UBE2E2: variants seen among roughly 807,000 people sequenced by gnomAD.
The protein encoded by UBE2E2 is ubiquitin conjugating enzyme E2 E2.
A neutral mutation model predicts 24.7 loss-of-function variants in UBE2E2; 6 were observed. The ratio of observed to expected loss-of-function variants is 0.24; its 90% confidence interval spans 0.13 to 0.48. The LOEUF is 0.48. Among genes scored for constraint, UBE2E2 ranks in the 20% least tolerant of loss-of-function variants. The pLI is 0.99. For missense variants in UBE2E2, 169 were observed against 245.0 expected (o/e 0.69, Z 2.07); for synonymous variants, 104 against 83.6 (o/e 1.24, Z -1.33).
At chr3:23,497,278 G>A (rs1575667646) in intron 3 of UBE2E2, among the ~76,000 whole-genome samples, 2 of 152,132 alleles carry the variant, frequency 1.3e-5, no homozygotes, top group Admixed American at 6.6e-5. Flanking sequence ...TGTTATTTAA[G>A]GTTTACGGTA....
At chr3:23,261,519 C>T (rs148534658) in intron 3 of UBE2E2, among the ~76,000 whole-genome samples, 47 of 152,208 alleles carry the variant, frequency 3.1e-4, no homozygotes, top group African/African-American at 9.2e-4. Flanking sequence ...TGCAGGTATA[C>T]AGTATAGTAT....
intron 3 of UBE2E2, among the ~76,000 whole-genome samples, chr3:23,245,821 A>G (rs140602254): frequency 2.2e-4 from 33 of 152,326 alleles, no homozygotes; most frequent in African/African-American, 7.9e-4. Flanking sequence ...TAAAATGAAG[A>G]AAAACCATGC....
intron 3 of UBE2E2, among the ~76,000 whole-genome samples, chr3:23,338,951 G>T (rs899562306): frequency 6.6e-6 from 1 of 151,988 alleles, no homozygotes; most frequent in African/African-American, 2.4e-5. Context: ...TTATAAACAG[G>T]ATATTTACAG....
chr3:23,556,140 CTTTTTTTTTT>C (rs71057604), intron 5 of UBE2E2, among the ~76,000 whole-genome samples: 1 of 92,332 alleles, frequency 1.1e-5, no homozygotes, highest in Non-Finnish European at 2.0e-5. Context: ...AATATACAAA[CTTTTTTTTTT>C]TTTTTTTTTT....
intron 3 of UBE2E2, among the ~76,000 whole-genome samples, chr3:23,346,989 C>G (rs1437012197): frequency 2.0e-5 from 3 of 152,154 alleles, no homozygotes; most frequent in African/African-American, 7.2e-5. Context: ...GCCATTAGTA[C>G]TTAGGGTGAT....
chr3:23,208,213 T>G (rs564684025), intron 1 of UBE2E2, among the ~76,000 whole-genome samples: 2 of 152,292 alleles, frequency 1.3e-5, no homozygotes, highest in East Asian at 3.9e-4. Flanking sequence ...CTGAATTTTA[T>G]GTTTATGGAT....
chr3:23,268,176 A>G (rs1698110041), intron 3 of UBE2E2, among the ~76,000 whole-genome samples: 1 of 149,850 alleles, frequency 6.7e-6, no homozygotes, highest in Non-Finnish European at 1.5e-5. Flanking sequence ...CACCACTCCT[A>G]TTCAACATAG....
chr3:23,348,178 T>G (rs1403397519), intron 3 of UBE2E2, among the ~76,000 whole-genome samples: 1 of 152,030 alleles, frequency 6.6e-6, no homozygotes, highest in African/African-American at 2.4e-5. Context: ...ATGTGAAAAC[T>G]CCAATGAACC....
chr3:23,233,980 A>G (rs1697034469), intron 3 of UBE2E2, among the ~76,000 whole-genome samples: 1 of 152,220 alleles, frequency 6.6e-6, no homozygotes, highest in Non-Finnish European at 1.5e-5. Context: ...AATATTTATC[A>G]AAATTATCAA....
intron 5 of UBE2E2, among the ~76,000 whole-genome samples, chr3:23,540,408 G>T (rs1695367699): frequency 6.6e-6 from 1 of 151,398 alleles, no homozygotes; most frequent in Non-Finnish European, 1.5e-5. Flanking sequence ...TTGTTTGTTT[G>T]TTTGTTTGTT....
intron 3 of UBE2E2, chr3:23,323,388 A>G (rs1694797343): frequency 4.0e-6 from 1 of 251,702 alleles, no homozygotes; most frequent in Admixed American, 5.7e-5. Context: ...TTTTTATTCT[A>G]GACGATTTAA....
chr3:23,412,417 G>A (rs1174717211), intron 3 of UBE2E2, among the ~76,000 whole-genome samples: 2 of 149,784 alleles, frequency 1.3e-5, no homozygotes, highest in East Asian at 2.0e-4. Context: ...ACTTTCAAAG[G>A]TGCAGCGCTC....
At chr3:23,345,640 A>G (rs1695535608) in intron 3 of UBE2E2, among the ~76,000 whole-genome samples, 1 of 152,228 alleles carries the variant, frequency 6.6e-6, no homozygotes, top group Non-Finnish European at 1.5e-5. Context: ...TAAGTCACTG[A>G]TATTGAGTAA....
Position 23,566,753 on chromosome 3 carries a change from C to G in UBE2E2, c.509-22981C>G, listed in dbSNP as rs545795382. On this transcript the variant is annotated intron_variant, in intron 5 of 5. Coordinates refer to ENST00000396703, the MANE Select transcript of UBE2E2 (RefSeq NM_152653.4). ...TCATGAGGGATCCACCCCCCTGACC[C>G]CAACACCTGCCACTAGGCCCTAGCT... 4.9e-3 allele frequency among the ~76,000 whole-genome samples: 748 copies of G among 152,264 alleles called. 3 individuals are homozygous for G. The highest frequency in any genetic ancestry group is 8.1e-3 in the Non-Finnish European group (549 of 68,006).
At chr3:23,554,105 G>T (rs960191575) in intron 5 of UBE2E2, among the ~76,000 whole-genome samples, 1 of 152,070 alleles carries the variant, frequency 6.6e-6, no homozygotes, top group African/African-American at 2.4e-5. Flanking sequence ...GGTTGAGGGG[G>T]GAAGAGATAT....
chr3:23,369,591 G>A (rs1696347135), intron 3 of UBE2E2, among the ~76,000 whole-genome samples: 1 of 152,096 alleles, frequency 6.6e-6, no homozygotes, highest in Admixed American at 6.6e-5. Context: ...AACCTGCTGA[G>A]GCATTAAGCA....
chr3:23,448,206 A>G (rs1288371753), intron 3 of UBE2E2, among the ~76,000 whole-genome samples: 1 of 152,198 alleles, frequency 6.6e-6, no homozygotes, highest in Non-Finnish European at 1.5e-5. Context: ...GTGACCCCGT[A>G]ATCTTTTCAG....
chr3:23,489,002 A>G (rs1055466185), intron 3 of UBE2E2, among the ~76,000 whole-genome samples: 3 of 152,146 alleles, frequency 2.0e-5, no homozygotes, highest in African/African-American at 7.2e-5. Context: ...CAAGCAGGGT[A>G]GTTTATCATA....
intron 5 of UBE2E2, among the ~76,000 whole-genome samples, chr3:23,587,113 T>A (rs182165164): frequency 1.9e-4 from 29 of 152,230 alleles, no homozygotes; most frequent in Middle Eastern, 6.8e-3. Flanking sequence ...GGAAAAAAAA[T>A]TTTTTAATCA....
Sources: allele counts gnomAD v4.1 joint callset (sites outside exome capture counted in the v4.1 genomes callset), GRCh38; gene constraint gnomAD v4.1.1; transcripts MANE v1.5; gene names NCBI Gene and HGNC (gene_info 2026-07-23, HGNC 2026-07-21).